AKAP3: variants seen among roughly 807,000 people sequenced by gnomAD.
AKAP3 encodes the protein A-kinase anchor protein 3.
Under a neutral mutation model 57.2 loss-of-function variants are expected in AKAP3, and 27 were observed. That is an observed-to-expected ratio of 0.47 (90% CI 0.35 to 0.65). AKAP3 has a LOEUF of 0.65. Ranked by LOEUF, AKAP3 falls within the 30% of genes least tolerant of loss-of-function variation. AKAP3 has a pLI of 0.01. For synonymous variants in AKAP3, 334 were observed against 392.3 expected (o/e 0.85, Z 1.76); for missense variants, 959 against 1,040.0 (o/e 0.92, Z 1.07).
intron 5 of AKAP3, among the ~76,000 whole-genome samples, chr12:4,622,608 C>T (rs1304023451): frequency 1.3e-5 from 2 of 152,144 alleles, no homozygotes; most frequent in Non-Finnish European, 2.9e-5. Flanking sequence ...CCCTTCCTTA[C>T]ACCATATACA....
chr12:4,636,671 A>G (rs1003129158), intron 4 of AKAP3, among the ~76,000 whole-genome samples: 2 of 152,230 alleles, frequency 1.3e-5, no homozygotes, highest in Non-Finnish European at 2.9e-5. Flanking sequence ...AAAACTTTAT[A>G]TAGATCGACC....
At chr12:4,639,085 G>A (rs1407915522) in intron 3 of AKAP3, among the ~76,000 whole-genome samples, 1 of 152,144 alleles carries the variant, frequency 6.6e-6, no homozygotes, top group South Asian at 2.1e-4. Flanking sequence ...CCTTGCAAAT[G>A]AGTATTATAT....
intron 4 of AKAP3, chr12:4,631,254 G>C: frequency 1.5e-6 from 1 of 686,666 alleles, no homozygotes; most frequent in Non-Finnish European, 2.6e-6. Flanking sequence ...GATTTATAGA[G>C]TTATATTCTC....
rs373429771 is a variant in AKAP3 at position 4,627,834 on chromosome 12, C to T, written c.1068G>A (p.Ser356=). The T allele has an allele frequency of 1.1e-5, 18 of 1,613,970 alleles. No homozygotes were observed. The Middle Eastern group carries it at 4.9e-4, about 44-fold the overall frequency. The stretch of plus-strand genomic sequence containing the variant: ...GAGAGAAGACAGTTCTTTTCACAGC[C>T]GAGACAAACTGTGTGTCAGTCATGA... ...GTLMTDTQFV[S]AVKRTVFSHG... is the part of the protein sequence containing the mutation. The change falls in exon 5 of 6, where the codon TCG becomes TCA. Residue 356 remains serine, a synonymous_variant. Transcript: ENST00000228850.
chr12:4,619,559 AAAC>A (rs985705315), intron 5 of AKAP3, among the ~76,000 whole-genome samples: 8 of 151,290 alleles, frequency 5.3e-5, no homozygotes, highest in Admixed American at 2.0e-4. Context: ...CCTGTCTCAA[AAAC>A]AACAACAACA....
chr12:4,635,199 C>G (rs1945548934), intron 4 of AKAP3: 5 of 240,842 alleles, frequency 2.1e-5, no homozygotes, highest in Non-Finnish European at 1.6e-5. Flanking sequence ...AAGTTCAAAA[C>G]ACTTAAAATA....
rs1268327169 is a variant in AKAP3 at position 4,648,808 on chromosome 12, T to G, written c.-308A>C. 1 of 302,330 alleles carries G rather than the reference T, an allele frequency of 3.3e-6. No homozygotes were observed. Among genetic ancestry groups the G allele is most frequent in the Admixed American group, 5.1e-5 (1 of 19,454 alleles). The allele number at this position is 302,330 out of a possible 1,614,324, so 18.7% of individuals were successfully genotyped here. On this transcript the variant is annotated 5_prime_UTR_variant, in exon 1 of 6. Coordinates refer to ENST00000228850, the MANE Select transcript of AKAP3 (RefSeq NM_001278309.2). ...AAACTGAGAGTCAGGAAAGGTGAGC[T>G]CTTCTACCTCGGGTCTTGCCATTTT...
rs1434596523 is a variant in AKAP3 at position 4,628,471 on chromosome 12, T to G, written c.431A>C (p.Asn144Thr). The change falls in exon 5 of 6, where the codon AAT (asparagine) becomes ACT (threonine). Residue 144 changes from asparagine to threonine, a missense_variant. Coordinates refer to ENST00000228850, the MANE Select transcript of AKAP3 (RefSeq NM_001278309.2). ...LVIAMARKEI[N>T]EKIDGSENKC... is the part of the protein sequence containing the mutation. ...GTTTTCAGAGCCATCGATCTTCTCA[T>G]TGATCTCTTTGCGGGCCATGGCTAT... is the stretch of plus-strand genomic sequence containing the variant. 3.1e-6 allele frequency: 5 copies of G among 1,614,110 alleles called. No individual in the cohort carries two copies. The highest frequency in any genetic ancestry group is 1.3e-5 in the African/African-American group (1 of 74,940).
chr12:4,638,145 C>T lies in AKAP3; in HGVS notation c.52G>A (p.Asp18Asn). 6.2e-7 allele frequency: 1 copy of T among 1,613,826 alleles called. No homozygotes were observed. Among genetic ancestry groups the T allele is most frequent in the Non-Finnish European group, 8.5e-7 (1 of 1,179,926 alleles). The change falls in exon 4 of 6, where the codon GAT (aspartate) becomes AAT (asparagine). Residue 18 changes from aspartate to asparagine, a missense_variant. By Grantham distance (23) the Asp-to-Asn change is conservative. Transcript: ENST00000228850. Reference protein sequence around the residue: ...LQSQNGVCKVDVYSPGDNQAQ... With the variant: ...LQSQNGVCKVNVYSPGDNQAQ... ...TGGTTGTCTCCAGGAGAATAGACAT[C>T]AACTTTGCATACTCCATTTTGGCTT...
chr12:4,631,003 A>G (rs1005003110), intron 4 of AKAP3, among the ~76,000 whole-genome samples: 2 of 152,214 alleles, frequency 1.3e-5, no homozygotes, highest in African/African-American at 4.8e-5. Flanking sequence ...CAAGATGCCC[A>G]ATAGATCCAT....
rs570431929 is a variant in AKAP3, at chr12:4,648,735, C to G, written c.-245+10G>C. 3.8e-4 allele frequency: 70 copies of G among 186,332 alleles called. No individual in the cohort carries two copies. The highest frequency in any genetic ancestry group is 6.6e-4 in the Non-Finnish European group (60 of 90,288). The allele number at this position is 186,332 out of a possible 1,614,324, so 11.5% of individuals were successfully genotyped here. A position where few individuals can be genotyped will look rare whatever the true frequency, so the allele number is the denominator to read the frequency against. On this transcript the variant is annotated intron_variant, in intron 1 of 5. Transcript: ENST00000228850. ...CGGAGGGCTACGCCTCCTTCTTCCT[C>G]CGGACTCACCAGGGCTGCCAGCTTA...
chr12:4,622,833 T>C (rs903275820), intron 5 of AKAP3, among the ~76,000 whole-genome samples: 1 of 147,608 alleles, frequency 6.8e-6, no homozygotes, highest in Admixed American at 6.8e-5. Flanking sequence ...ATTAATAGAG[T>C]AAACAGACAA....
chr12:4,628,357 G>A lies in AKAP3; in HGVS notation c.545C>T (p.Thr182Ile), dbSNP rs1945452989. The A allele has an allele frequency of 1.2e-6, 2 of 1,614,076 alleles. No homozygotes were observed. Among genetic ancestry groups the A allele is most frequent in the Non-Finnish European group, 1.7e-6 (2 of 1,180,036 alleles). ...SKIASELVNE[T>I]VSACSRNAAP... The stretch of plus-strand genomic sequence containing the variant: ...AGCATTCCTGGAACATGCAGAGACG[G>A]TCTCATTCACAAGCTCTGATGCTAT... The change falls in exon 5 of 6, where the codon ACC (threonine) becomes ATC (isoleucine). Residue 182 changes from threonine to isoleucine, a missense_variant. Thr to Ile is a moderately conservative substitution (Grantham distance 89). Coordinates refer to ENST00000228850, the MANE Select transcript of AKAP3 (RefSeq NM_001278309.2).
intron 1 of AKAP3, 114 bp from the exon 2 acceptor site, chr12:4,645,306 C>T (rs1343804623): frequency 2.6e-5 from 4 of 152,234 alleles, no homozygotes; most frequent in Non-Finnish European, 4.4e-5. Flanking sequence ...TGAAGATATA[C>T]TCCAAGGGGC....
At chr12:4,623,065 A>G (rs1945365105) in intron 5 of AKAP3, among the ~76,000 whole-genome samples, 1 of 152,232 alleles carries the variant, frequency 6.6e-6, no homozygotes, top group East Asian at 1.9e-4. Flanking sequence ...AATCCAAACC[A>G]TAATGAGATA....
chr12:4,628,835 A>G (rs1945463247), intron 4 of AKAP3, 30 bp from the exon 5 acceptor site: 1 of 1,568,974 alleles, frequency 6.4e-7, no homozygotes, highest in Non-Finnish European at 8.7e-7. Context: ...TCATCTGACT[A>G]TAACAAAGTA....
chr12:4,627,919 T>G lies in AKAP3; in HGVS notation c.983A>C (p.Glu328Ala). 1 of 1,614,142 alleles carries G rather than the reference T, an allele frequency of 6.2e-7. No individual in the cohort carries two copies. The highest frequency in any genetic ancestry group is 8.5e-7 in the Non-Finnish European group (1 of 1,180,028). ...GGAGTCGATGAGATCCGAGACCACC[T>G]CTTTTGCATGCTTGAGCAGAACCTT... Reference protein sequence around the residue: ...LKKVLLKHAKEVVSDLIDSFL... With the variant: ...LKKVLLKHAKAVVSDLIDSFL... The change falls in exon 5 of 6, where the codon GAG (glutamate) becomes GCG (alanine). Residue 328 changes from glutamate (E) to alanine (A), a missense_variant. Glu to Ala is a moderately radical substitution (Grantham distance 107). Coordinates refer to ENST00000228850, the MANE Select transcript of AKAP3 (RefSeq NM_001278309.2).
In AKAP3 at chr12:4,615,549, G is replaced by T; in HGVS notation, c.*190C>A. Reference sequence around the variant, plus strand: ...TGTAATTTTTTAATTTTACGTCCTTGCTTGCATGGACAGGAAAATCTGCAA... The same window carrying T: ...TGTAATTTTTTAATTTTACGTCCTTTCTTGCATGGACAGGAAAATCTGCAA... On this transcript the variant is annotated 3_prime_UTR_variant, in exon 6 of 6. Transcript: ENST00000228850. The T allele has an allele frequency of 1.6e-6, 1 of 623,626 alleles. No homozygotes were observed. The highest frequency in any genetic ancestry group is 2.6e-6 in the Non-Finnish European group (1 of 391,846). 38.6% of individuals were successfully genotyped at this position (623,626 alleles called of 1,614,324 possible). A position where few individuals can be genotyped will look rare whatever the true frequency, so the allele number is the denominator to read the frequency against.
intron 5 of AKAP3, among the ~76,000 whole-genome samples, chr12:4,621,229 A>AC (rs1945343896): frequency 6.6e-6 from 1 of 151,970 alleles, no homozygotes; most frequent in Non-Finnish European, 1.5e-5. Context: ...AAGTTAAAAA[A>AC]AATCAAAACT....
Sources: allele counts gnomAD v4.1 joint callset (sites outside exome capture counted in the v4.1 genomes callset), GRCh38; gene constraint gnomAD v4.1.1; transcripts MANE v1.5; gene names NCBI Gene and HGNC (gene_info 2026-07-23, HGNC 2026-07-21).